The following PC variants were observed in gnomAD, a reference collection of about 807,000 sequenced individuals.
PC encodes the protein pyruvate carboxylase.
A neutral mutation model predicts 107.8 loss-of-function variants in PC; 46 were observed. The observed-to-expected ratio is 0.43, with a 90% confidence interval of 0.34 to 0.55. PC has a LOEUF of 0.55. Ranked by LOEUF, PC falls within the 20% of genes least tolerant of loss-of-function variation. The pLI is 0.04. For missense variants in PC, 1,241 were observed against 1,643.1 expected (o/e 0.76, Z 4.23); for synonymous variants, 662 against 684.7 (o/e 0.97, Z 0.52).
chr11:66,917,224 A>T (rs952287979), intron 3 of PC, among the ~76,000 whole-genome samples: 3 of 151,888 alleles, frequency 2.0e-5, no homozygotes, highest in African/African-American at 7.2e-5. Flanking sequence ...GGGGCGCGCC[A>T]TCACACCCGG....
chr11:66,862,437 C>T (rs1284418517), intron 12 of PC, among the ~76,000 whole-genome samples: 2 of 152,266 alleles, frequency 1.3e-5, no homozygotes, highest in Admixed American at 6.5e-5. Context: ...GGCCCACATG[C>T]CCCCCCATCC....
chr11:66,923,157 G>A (rs1948634062), intron 3 of PC, among the ~76,000 whole-genome samples: 1 of 152,084 alleles, frequency 6.6e-6, no homozygotes, highest in African/African-American at 2.4e-5. Flanking sequence ...ACGAGGTCAG[G>A]AGATCGAGAC....
chr11:66,923,829 G>C (rs1948649343), intron 3 of PC, among the ~76,000 whole-genome samples: 1 of 146,960 alleles, frequency 6.8e-6, no homozygotes, highest in Non-Finnish European at 1.5e-5. Flanking sequence ...CAATACAAAG[G>C]GTTTAAAAGG....
At position 66,856,357 on chromosome 11, in the gene PC, CGG is replaced by C. The variant is rs757062949; in HGVS notation, c.1369-2976_1369-2975del. Reference sequence around the variant, plus strand: ...GGTTGGCTCCGGAACGCCTGGCCCGCGGGGCGGGCGGGGCAGCTGGGGAGGGA... The same window carrying C: ...GGTTGGCTCCGGAACGCCTGGCCCGCGGCGGGCGGGGCAGCTGGGGAGGGA... On this transcript the variant is annotated intron_variant, in intron 12 of 22. Transcript: ENST00000393960. 3.4e-3 allele frequency among the ~76,000 whole-genome samples: 440 copies of C among 130,930 alleles called. 2 individuals carry two copies. The highest frequency in any genetic ancestry group is 5.9e-3 in the Non-Finnish European group (359 of 61,108). 85.9% of individuals were successfully genotyped at this position (130,930 alleles called of 152,430 possible).
Position 66,872,553 on chromosome 11 carries a change from C to T in PC, c.1-394G>A, listed in dbSNP as rs11823149. ...CCCACCCTGGCTAACACGGTGAAAC[C>T]CCGTCTCTACTAAAAATACAAAAAA... On this transcript the variant is annotated intron_variant, in intron 3 of 22. Transcript: ENST00000393960. 9.2e-3 allele frequency among the ~76,000 whole-genome samples: 1,393 copies of T among 151,980 alleles called. 27 individuals are homozygous for T. Among genetic ancestry groups the T allele is most frequent in the African/African-American group, 0.031 (1,288 of 41,438 alleles).
chr11:66,859,260 C>T (rs1348471273), intron 12 of PC, among the ~76,000 whole-genome samples: 1 of 152,120 alleles, frequency 6.6e-6, no homozygotes, highest in Non-Finnish European at 1.5e-5. Flanking sequence ...GGCCTGGCTG[C>T]CTGAGGGGGC....
At position 66,850,936 on chromosome 11, in the gene PC, G is replaced by A. The variant is rs528149882; in HGVS notation, c.2224-13C>T. 1.3e-6 allele frequency: 2 copies of A among 1,551,742 alleles called. No homozygotes were observed. Among genetic ancestry groups the A allele is most frequent in the Admixed American group, 1.7e-5 (1 of 58,250 alleles). On this transcript the variant is annotated splice_polypyrimidine_tract_variant and intron_variant, in intron 17 of 22. Transcript: ENST00000393960. ...GCCCGGCCATGTCCTGGGGGAAGTG[G>A]GAGAGAGAGAGAGAGAGATGGTAGA...
intron 3 of PC, among the ~76,000 whole-genome samples, chr11:66,890,808 T>C (rs1353082081): frequency 1.3e-5 from 2 of 151,588 alleles, no homozygotes; most frequent in Admixed American, 6.6e-5. Context: ...CCCGCCGCGG[T>C]TGTTTCCAAT....
intron 3 of PC, among the ~76,000 whole-genome samples, chr11:66,908,305 G>A (rs147127735): frequency 2.8e-4 from 42 of 152,220 alleles, no homozygotes; most frequent in Admixed American, 5.2e-4. Context: ...TATGCCTTGG[G>A]TTGTCCACCT....
intron 3 of PC, among the ~76,000 whole-genome samples, chr11:66,909,438 T>C (rs188814898): frequency 6.6e-6 from 1 of 152,316 alleles, no homozygotes; most frequent in East Asian, 1.9e-4. Context: ...CAGGTGTCCC[T>C]GCCGCTCCCC....
chr11:66,882,297 C>T (rs1384546633), intron 3 of PC, among the ~76,000 whole-genome samples: 1 of 152,212 alleles, frequency 6.6e-6, no homozygotes, highest in African/African-American at 2.4e-5. Flanking sequence ...CAGGGCGCCA[C>T]CTAAGAGCTG....
chr11:66,948,373 G>T (rs1443418899), intron 3 of PC, among the ~76,000 whole-genome samples: 5 of 152,144 alleles, frequency 3.3e-5, no homozygotes, highest in Non-Finnish European at 7.3e-5. Flanking sequence ...GTAACAGAAA[G>T]CAGTTCCATG....
chr11:66,883,758 A>G (rs1187583615), intron 3 of PC, among the ~76,000 whole-genome samples: 5 of 152,250 alleles, frequency 3.3e-5, no homozygotes, highest in East Asian at 1.9e-4. Flanking sequence ...GAAATACTTC[A>G]GGTCACAATG....
intron 21 of PC, 59 bp from the exon 22 acceptor site, chr11:66,849,429 G>T: frequency 6.2e-7 from 1 of 1,608,756 alleles, no homozygotes. Context: ...CAGTCCCCCG[G>T]CCCTGGCCAT....
rs528734965 is a variant in PC at position 66,852,274 on chromosome 11, C to T, written c.1825+165G>A. ...TGGTCTCAGCTCTGCAACCTCGTGCCGGCACCAGGCCTGGCCGGAGAGGGC... is the reference window on the plus strand; with the variant it reads ...TGGTCTCAGCTCTGCAACCTCGTGCTGGCACCAGGCCTGGCCGGAGAGGGC... On this transcript the variant is annotated intron_variant, in intron 15 of 22. Coordinates refer to ENST00000393960, the MANE Select transcript of PC (RefSeq NM_001040716.2). This position sits in a 1 kb window ranked among gnomAD's most constrained non-coding sequence, Gnocchi z 4.7. Among the ~76,000 whole-genome samples, 41 of 152,326 alleles carry T rather than the reference C, an allele frequency of 2.7e-4. No homozygotes were observed. The highest frequency in any genetic ancestry group is 3.4e-3 in the Middle Eastern group (1 of 294).
chr11:66,939,135 T>C (rs770161632), intron 3 of PC, among the ~76,000 whole-genome samples: 1 of 152,178 alleles, frequency 6.6e-6, no homozygotes, highest in Non-Finnish European at 1.5e-5. Context: ...CATCCACTCA[T>C]TCAACCAACT....
At chr11:66,859,898 G>T in intron 12 of PC, 1 of 1,575,444 alleles carries the variant, frequency 6.3e-7, no homozygotes, top group Non-Finnish European at 8.6e-7. Context: ...CTGTGGCCTT[G>T]CTGGTTCGGG....
intron 12 of PC, chr11:66,859,526 C>T: frequency 1.9e-6 from 3 of 1,542,252 alleles, no homozygotes; most frequent in East Asian, 4.5e-5. Flanking sequence ...AACCCAAGAG[C>T]CCGAGTGGCC....
intron 11 of PC, among the ~76,000 whole-genome samples, chr11:66,864,839 G>T (rs560428587): frequency 6.6e-6 from 1 of 152,322 alleles, no homozygotes; most frequent in Admixed American, 6.5e-5. Flanking sequence ...CGGAGGTGGG[G>T]GACCCGTCAG....
Sources: gnomAD v4.1 joint callset for allele counts (sites outside exome capture counted in the v4.1 genomes callset) on GRCh38, gnomAD v4.1.1 for gene constraint, Gnocchi (gnomAD v3.1) non-coding constraint, MANE v1.5 for transcripts, NCBI Gene and HGNC (gene_info 2026-07-23, HGNC 2026-07-21) for gene names.